The following TANC2 variants were observed in gnomAD, a reference collection of about 807,000 sequenced individuals.
TANC2 encodes the protein protein TANC2.
Under a neutral mutation model 210.5 loss-of-function variants are expected in TANC2, and 26 were observed. The observed-to-expected ratio is 0.12, with a 90% confidence interval of 0.09 to 0.17. The LOEUF (loss-of-function observed/expected upper bound fraction) is 0.17. TANC2 is among the 10% of genes least tolerant of loss of function. The pLI is 1.00. For synonymous variants in TANC2, 931 were observed against 967.1 expected (o/e 0.96, Z 0.69); for missense variants, 2,129 against 2,608.9 (o/e 0.82, Z 4.01).
At chr17:62,970,485 T>C (rs982758579) in intron 1 of TANC2, among the ~76,000 whole-genome samples, 1 of 152,024 alleles carries the variant, frequency 6.6e-6, no homozygotes, top group Non-Finnish European at 1.5e-5. Flanking sequence ...GCTAGCTCTG[T>C]TTTTTCTTCT....
At chr17:63,392,094 G>C (rs2047998356) in intron 17 of TANC2, among the ~76,000 whole-genome samples, 1 of 152,086 alleles carries the variant, frequency 6.6e-6, no homozygotes, top group Non-Finnish European at 1.5e-5. Context: ...TGATAGAACT[G>C]TTCACTGAGA....
intron 2 of TANC2, among the ~76,000 whole-genome samples, chr17:63,015,361 A>G (rs1457450062): frequency 6.6e-6 from 1 of 152,096 alleles, no homozygotes; most frequent in Non-Finnish European, 1.5e-5. Context: ...GTACATGTGC[A>G]CAACGTGCAG....
At chr17:63,216,905 A>G (rs2042041399) in intron 7 of TANC2, among the ~76,000 whole-genome samples, 1 of 152,258 alleles carries the variant, frequency 6.6e-6, no homozygotes, top group Non-Finnish European at 1.5e-5. Flanking sequence ...TGATTAAACT[A>G]GAAATCAGTA....
chr17:63,426,594 A>G (rs1162528265), exon 28 of TANC2: 1 of 152,226 alleles, frequency 6.6e-6, no homozygotes, highest in Non-Finnish European at 1.5e-5. Context: ...CAGAGCTTTG[A>G]AAGTCAGTAC....
chr17:63,129,702 G>A (rs1207546403), intron 4 of TANC2, among the ~76,000 whole-genome samples: 2 of 151,648 alleles, frequency 1.3e-5, no homozygotes, highest in Non-Finnish European at 2.9e-5. Flanking sequence ...TTTACCTGTT[G>A]TAATGATGAG....
chr17:63,155,105 A>G (rs1032589613), intron 5 of TANC2: 1 of 152,002 alleles, frequency 6.6e-6, no homozygotes, highest in Non-Finnish European at 1.5e-5. Context: ...CTTGGGCAGC[A>G]TGTATTAGTG....
At chr17:63,198,859 C>G (rs1371400600) in intron 6 of TANC2, among the ~76,000 whole-genome samples, 1 of 151,982 alleles carries the variant, frequency 6.6e-6, no homozygotes, top group Non-Finnish European at 1.5e-5. Flanking sequence ...TTGAAACTCT[C>G]CTCTTCTCTG....
chr17:63,162,650 AT>A (rs2040068904), intron 5 of TANC2, among the ~76,000 whole-genome samples: 1 of 152,262 alleles, frequency 6.6e-6, no homozygotes, highest in Non-Finnish European at 1.5e-5. Context: ...AAAAAAGGTT[AT>A]CTTATGGGAA....
At chr17:63,277,893 C>T (rs1210009614) in intron 9 of TANC2, among the ~76,000 whole-genome samples, 2 of 151,986 alleles carry the variant, frequency 1.3e-5, no homozygotes, top group African/African-American at 4.8e-5. Context: ...GGTAACAGGC[C>T]GGGTACAGTG....
chr17:63,406,401 A>G, intron 21 of TANC2, 124 bp downstream of exon 21: 3 of 1,340,510 alleles, frequency 2.2e-6, no homozygotes, highest in Non-Finnish European at 3.1e-6. Context: ...TTGGAAAATG[A>G]AAGGCTATCT....
chr17:62,985,965 T>G (rs571017833), intron 1 of TANC2, among the ~76,000 whole-genome samples: 3 of 152,202 alleles, frequency 2.0e-5, no homozygotes, highest in Non-Finnish European at 4.4e-5. Flanking sequence ...CTTATGCATC[T>G]GATTGTAAAG....
chr17:63,418,199 GT>G lies in TANC2; in HGVS notation c.4168-106del. On this transcript the variant is annotated intron_variant, in intron 26 of 27. Coordinates refer to ENST00000689528, the Ensembl canonical transcript of TANC2. This position sits in a 1 kb window ranked among gnomAD's most constrained non-coding sequence, Gnocchi z 4.6. ...GTCAGGCACGTCTAGCGTCCCAGGC[GT>G]TCCATCCATGAATGTCAAAAAATGT... 1 of 1,158,326 alleles carries G rather than the reference GT, an allele frequency of 8.6e-7. No individual in the cohort carries two copies. The highest frequency in any genetic ancestry group is 1.2e-6 in the Non-Finnish European group (1 of 811,712). 71.8% of individuals were successfully genotyped at this position (1,158,326 alleles called of 1,614,324 possible). A position where few individuals can be genotyped will look rare whatever the true frequency, so the allele number is the denominator to read the frequency against.
chr17:63,119,716 A>G (rs901273666), intron 4 of TANC2, among the ~76,000 whole-genome samples: 1 of 152,192 alleles, frequency 6.6e-6, no homozygotes, highest in South Asian at 2.1e-4. Flanking sequence ...TATAATTTTT[A>G]TTAACAGTAG....
chr17:63,176,761 G>T (rs1425664619), intron 5 of TANC2, among the ~76,000 whole-genome samples: 1 of 146,318 alleles, frequency 6.8e-6, no homozygotes, highest in South Asian at 2.2e-4. Context: ...AGCCGAGATC[G>T]TGCAGCTGCA....
intron 2 of TANC2, 74 bp from the exon 3 acceptor site, chr17:63,073,869 T>C: frequency 8.3e-7 from 1 of 1,203,708 alleles, no homozygotes; most frequent in Non-Finnish European, 1.2e-6. Flanking sequence ...TAGTTTTAAA[T>C]GTAGATAATG....
chr17:63,056,407 G>A (rs1048340054), intron 2 of TANC2, among the ~76,000 whole-genome samples: 1 of 152,016 alleles, frequency 6.6e-6, no homozygotes, highest in Non-Finnish European at 1.5e-5. Flanking sequence ...GCTGGGTGTG[G>A]TGACTCACAC....
At chr17:63,132,969 G>GT (rs978163517) in intron 4 of TANC2, among the ~76,000 whole-genome samples, 62 of 151,738 alleles carry the variant, frequency 4.1e-4, no homozygotes, top group African/African-American at 1.0e-3. Context: ...AGTAGCAGGG[G>GT]TTTTTTTTGT....
intron 7 of TANC2, among the ~76,000 whole-genome samples, chr17:63,205,372 A>AAAAAACC (rs1472135033): frequency 7.6e-6 from 1 of 131,810 alleles, no homozygotes; most frequent in Non-Finnish European, 1.6e-5. Context: ...AAAAAAAAAA[A>AAAAAACC]CCTCATACAC....
At chr17:63,132,102 C>T (rs917612294) in intron 4 of TANC2, among the ~76,000 whole-genome samples, 4 of 152,060 alleles carry the variant, frequency 2.6e-5, no homozygotes, top group African/African-American at 9.7e-5. Flanking sequence ...TTTCTCTTTA[C>T]CATACAGTGT....
Sources: allele counts gnomAD v4.1 joint callset (sites outside exome capture counted in the v4.1 genomes callset), GRCh38; gene constraint gnomAD v4.1.1; non-coding constraint Gnocchi (gnomAD v3.1); transcripts MANE v1.5; gene names NCBI Gene and HGNC (gene_info 2026-07-23, HGNC 2026-07-21).